The following SSBP3 variants were observed in gnomAD, a reference collection of about 807,000 sequenced individuals.
SSBP3 encodes single stranded DNA binding protein 3.
SSBP3 carries 5 observed loss-of-function variants against 69.6 expected under a neutral mutation model. The ratio of observed to expected loss-of-function variants is 0.07; its 90% CI spans 0.04 to 0.15. The LOEUF (loss-of-function observed/expected upper bound fraction) is 0.15. SSBP3 is among the 10% of genes least tolerant of loss of function. SSBP3 has a pLI of 1.00. For missense variants in SSBP3, 312 were observed against 534.0 expected, an observed-to-expected ratio of 0.58 and a Z score of 4.10; for synonymous variants, 196 against 193.4, an observed-to-expected ratio of 1.01 and a Z score of -0.11.
At chr1:54,293,590 G>A (rs1292199490) in intron 4 of SSBP3, among the ~76,000 whole-genome samples, 1 of 152,166 alleles carries the variant, frequency 6.6e-6, no homozygotes, top group African/African-American at 2.4e-5. Flanking sequence ...ATATTTCCTT[G>A]ATGAATACAG....
chr1:54,272,404 G>C (rs779282857), intron 5 of SSBP3, among the ~76,000 whole-genome samples: 2 of 151,814 alleles, frequency 1.3e-5, no homozygotes, highest in Non-Finnish European at 2.9e-5. Flanking sequence ...ATGTCATGCC[G>C]AGGCGTGTTA....
At chr1:54,402,292 C>T (rs1286889739) in intron 3 of SSBP3, among the ~76,000 whole-genome samples, 1 of 152,192 alleles carries the variant, frequency 6.6e-6, no homozygotes, top group Non-Finnish European at 1.5e-5. Context: ...AGAACCTACT[C>T]ATGGATGCCC....
chr1:54,250,759 G>A (rs775295678), intron 9 of SSBP3, among the ~76,000 whole-genome samples: 55 of 152,136 alleles, frequency 3.6e-4, no homozygotes, highest in African/African-American at 1.2e-3. Context: ...GGAACATCGC[G>A]AACGCTCTGC....
At chr1:54,275,724 T>C (rs970452505) in intron 5 of SSBP3, among the ~76,000 whole-genome samples, 4 of 152,336 alleles carry the variant, frequency 2.6e-5, no homozygotes, top group East Asian at 3.9e-4. Flanking sequence ...TTCCATACAA[T>C]GATTCAAATT....
intron 4 of SSBP3, among the ~76,000 whole-genome samples, chr1:54,376,194 G>T (rs992939316): frequency 6.6e-6 from 1 of 151,142 alleles, no homozygotes; most frequent in Non-Finnish European, 1.5e-5. Flanking sequence ...ATGCGTGGGT[G>T]TGTGTGTGTG....
At chr1:54,273,636 G>A (rs1645233963) in intron 5 of SSBP3, among the ~76,000 whole-genome samples, 1 of 152,226 alleles carries the variant, frequency 6.6e-6, no homozygotes, top group Non-Finnish European at 1.5e-5. Flanking sequence ...CCAGGAGATT[G>A]TGGAGGGCAG....
intron 5 of SSBP3, among the ~76,000 whole-genome samples, chr1:54,269,289 T>C (rs1645153136): frequency 6.6e-6 from 1 of 152,166 alleles, no homozygotes; most frequent in Non-Finnish European, 1.5e-5. Flanking sequence ...ACCAGAGTCA[T>C]CTGGCCCTAG....
chr1:54,344,046 G>T (rs1232833146), intron 4 of SSBP3, among the ~76,000 whole-genome samples: 2 of 152,112 alleles, frequency 1.3e-5, no homozygotes, highest in Non-Finnish European at 2.9e-5. Context: ...GGCAACTGAG[G>T]TAGCACCTGG....
At chr1:54,253,130 A>AG (rs1230900137) in intron 7 of SSBP3, among the ~76,000 whole-genome samples, 2 of 149,416 alleles carry the variant, frequency 1.3e-5, no homozygotes, top group African/African-American at 4.9e-5. Context: ...GTGAGGGCAT[A>AG]GGGAGTATCT....
chr1:54,326,947 G>C (rs1020552991), intron 4 of SSBP3, among the ~76,000 whole-genome samples: 4 of 152,046 alleles, frequency 2.6e-5, no homozygotes, highest in Non-Finnish European at 5.9e-5. Context: ...CCTAGGAAAC[G>C]GGGCCAAGGA....
At chr1:54,361,663 C>T (rs760711885) in intron 4 of SSBP3, among the ~76,000 whole-genome samples, 1 of 152,026 alleles carries the variant, frequency 6.6e-6, no homozygotes, top group Non-Finnish European at 1.5e-5. Context: ...CCCCAAAGCC[C>T]GGCAGCGAGC....
intron 5 of SSBP3, among the ~76,000 whole-genome samples, chr1:54,273,419 G>A (rs566278171): frequency 4.0e-4 from 61 of 152,314 alleles, no homozygotes; most frequent in African/African-American, 1.2e-3. Context: ...GCCAGCCGCC[G>A]CCGAGGCAGC....
intron 4 of SSBP3, among the ~76,000 whole-genome samples, chr1:54,291,462 T>C (rs1375767731): frequency 1.4e-5 from 2 of 147,532 alleles, no homozygotes; most frequent in African/African-American, 2.5e-5. Context: ...CACCGTGGTC[T>C]GCACAGCCAC....
At chr1:54,348,264 GT>G (rs1646724127) in intron 4 of SSBP3, among the ~76,000 whole-genome samples, 6 of 103,244 alleles carry the variant, frequency 5.8e-5, no homozygotes, top group African/African-American at 1.4e-4. Context: ...GGGGGGGCGG[GT>G]GAGGACAGGT....
At chr1:54,355,283 T>C (rs770120162) in intron 4 of SSBP3, among the ~76,000 whole-genome samples, 7 of 152,188 alleles carry the variant, frequency 4.6e-5, no homozygotes, top group Admixed American at 1.3e-4. Context: ...ACAATATCTA[T>C]CTGGAGATAA....
chr1:54,371,337 T>A (rs983244029), intron 4 of SSBP3, among the ~76,000 whole-genome samples: 1 of 152,184 alleles, frequency 6.6e-6, no homozygotes, highest in Non-Finnish European at 1.5e-5. Flanking sequence ...AGCGCCCAAG[T>A]GGAAGAAAGC....
chr1:54,238,352 C>G (rs568778150), intron 14 of SSBP3: 2 of 470,156 alleles, frequency 4.3e-6, no homozygotes, highest in African/African-American at 2.0e-5. Context: ...GTCTGTAGAC[C>G]TCCTTTTCAG....
At chr1:54,394,382 G>A (rs1402893784) in intron 4 of SSBP3, among the ~76,000 whole-genome samples, 2 of 139,958 alleles carry the variant, frequency 1.4e-5, no homozygotes, top group East Asian at 2.1e-4. Flanking sequence ...TCCCCCCACT[G>A]CCCCCCCAAC....
intron 9 of SSBP3, 31 bp from the exon 10 acceptor site, chr1:54,243,330 G>C (rs769296041): frequency 1.1e-5 from 17 of 1,613,778 alleles, no homozygotes; most frequent in Non-Finnish European, 1.3e-5. Flanking sequence ...CAGTCTATGA[G>C]AAGAAGGGAA....
Sources: allele counts gnomAD v4.1 joint callset (sites outside exome capture counted in the v4.1 genomes callset), GRCh38; gene constraint gnomAD v4.1.1; transcripts MANE v1.5; gene names NCBI Gene and HGNC (gene_info 2026-07-23, HGNC 2026-07-21).